MAP6D1: variants seen among roughly 807,000 people sequenced by gnomAD.
The protein encoded by MAP6D1 is MAP6 domain-containing protein 1.
Under a neutral mutation model 17.4 loss-of-function variants are expected in MAP6D1, and 13 were observed. The observed-to-expected ratio is 0.75, with a 90% confidence interval of 0.49 to 1.19. The LOEUF is 1.19. Ranked by LOEUF, MAP6D1 falls within the 50% of genes most tolerant of loss-of-function variation. MAP6D1 has a pLI of 0.00. For synonymous variants in MAP6D1, 141 were observed against 145.7 expected (o/e 0.97, Z 0.23); for missense variants, 313 against 312.6 (o/e 1.00, Z -0.01).
intron 1 of MAP6D1, among the ~76,000 whole-genome samples, chr3:183,824,857 C>A (rs1727340624): frequency 6.6e-6 from 1 of 152,240 alleles, no homozygotes; most frequent in Non-Finnish European, 1.5e-5. Flanking sequence ...CGGCTGAAGG[C>A]AGGCCATTCT....
At position 183,816,525 on chromosome 3, in the gene MAP6D1, C is replaced by CCT. The variant is rs1727109375; in HGVS notation, c.*830_*831insAG. The CCT allele has an allele frequency of 6.6e-6, 1 of 152,184 alleles. No individual in the cohort carries two copies. The highest frequency in any genetic ancestry group is 2.1e-4 in the South Asian group (1 of 4,828). 9.4% of individuals were successfully genotyped at this position (152,184 alleles called of 1,614,324 possible). On this transcript the variant is annotated 3_prime_UTR_variant, in exon 3 of 3. Transcript: ENST00000318631. ...TCACTGTACATGTGAGCAGGGTAGA[C>CCT]GGAAGGGTTGGTGTAGAGGACATTT...
intron 1 of MAP6D1, among the ~76,000 whole-genome samples, chr3:183,820,617 A>G (rs1443858517): frequency 6.6e-6 from 1 of 151,708 alleles, no homozygotes; most frequent in African/African-American, 2.4e-5. Context: ...TACAAAAATT[A>G]GGCCAGGCAC....
intron 1 of MAP6D1, among the ~76,000 whole-genome samples, chr3:183,822,623 T>C (rs1380470340): frequency 6.6e-6 from 1 of 152,218 alleles, no homozygotes; most frequent in Admixed American, 6.5e-5. Context: ...GGCTCCCTCA[T>C]AGGTCGGCAC....
In MAP6D1 at chr3:183,816,388, A is replaced by G. The variant is rs1399572321; in HGVS notation, c.*968T>C. 1 of 152,276 alleles carries G rather than the reference A, an allele frequency of 6.6e-6. No homozygotes were observed. The highest frequency in any genetic ancestry group is 1.5e-5 in the Non-Finnish European group (1 of 68,056). 9.4% of individuals were successfully genotyped at this position (152,276 alleles called of 1,614,324 possible). ...GAGACGAAGACCCCTCAAACGTGTG[A>G]AGGCACCAGGCGTGACCCATGTGGC... On this transcript the variant is annotated 3_prime_UTR_variant, in exon 3 of 3. Coordinates refer to ENST00000318631, the MANE Select transcript of MAP6D1 (RefSeq NM_024871.4).
rs766247025 is a variant in MAP6D1, at chr3:183,817,430, C to G, written c.526G>C (p.Glu176Gln). The G allele has an allele frequency of 1.9e-6, 3 of 1,562,576 alleles. No homozygotes were observed. Among genetic ancestry groups the G allele is most frequent in the Non-Finnish European group, 2.6e-6 (3 of 1,152,612 alleles). Residue 176 changes from glutamate (E) to glutamine (Q), a missense_variant, in exon 3 of 3, where the codon GAG becomes CAG. By Grantham distance (29) the Glu-to-Gln change is conservative. Coordinates refer to ENST00000318631, the MANE Select transcript of MAP6D1 (RefSeq NM_024871.4). ...SSPGAGFQVPEVRKKFTPNPS... is the reference protein window; with the variant it reads ...SSPGAGFQVPQVRKKFTPNPS... Reference sequence around the variant, plus strand: ...TTAGGAGTGAACTTCTTCCTCACCTCTGGGACCTGAAAAATGAAGTGTGGC... The same window carrying G: ...TTAGGAGTGAACTTCTTCCTCACCTGTGGGACCTGAAAAATGAAGTGTGGC...
rs1727091632 is a variant in MAP6D1, at chr3:183,815,948, T to C, written c.*1408A>G. On this transcript the variant is annotated 3_prime_UTR_variant, in exon 3 of 3. Transcript: ENST00000318631. Reference sequence around the variant, plus strand: ...TTTTGCATTTTAGTAAAATCTGAGATTGTACAGTTTTTAATCTCATTTCCA... The same window carrying C: ...TTTTGCATTTTAGTAAAATCTGAGACTGTACAGTTTTTAATCTCATTTCCA... 6.6e-6 allele frequency: 1 copy of C among 152,212 alleles called. No individual in the cohort carries two copies. Among genetic ancestry groups the C allele is most frequent in the Non-Finnish European group, 1.5e-5 (1 of 68,036 alleles). 9.4% of individuals were successfully genotyped at this position (152,212 alleles called of 1,614,324 possible).
rs1727161220 is a variant in MAP6D1, at chr3:183,818,066, T to G, written c.447A>C (p.Thr149=). The change falls in exon 2 of 3, where the codon ACA becomes ACC. Residue 149 remains threonine (T), a synonymous_variant. Coordinates refer to ENST00000318631, the MANE Select transcript of MAP6D1 (RefSeq NM_024871.4). ...AWTGVKPSRS[T]KTKPARVITT... ...TGATGACTCGGGCTGGTTTTGTCTT[T>G]GTGGATCTTGAGGGCTTCACTCCAG... is the stretch of plus-strand genomic sequence containing the variant. 4 of 1,614,104 alleles carry G rather than the reference T, an allele frequency of 2.5e-6. No individual in the cohort carries two copies. The highest frequency in any genetic ancestry group is 2.2e-5 in the East Asian group (1 of 44,878).
intron 1 of MAP6D1, among the ~76,000 whole-genome samples, chr3:183,821,505 T>C (rs1727255566): frequency 6.6e-6 from 1 of 151,530 alleles, no homozygotes; most frequent in Non-Finnish European, 1.5e-5. Flanking sequence ...CGGCAGGACA[T>C]TCACTCACCA....
chr3:183,825,385 C>T lies in MAP6D1; in HGVS notation c.163G>A (p.Ala55Thr), dbSNP rs2108565158. The change falls in exon 1 of 3, where the codon GCG (alanine) becomes ACG (threonine). Residue 55 changes from alanine to threonine, a missense_variant. Coordinates refer to ENST00000318631, the MANE Select transcript of MAP6D1 (RefSeq NM_024871.4). ...GAASRRGQPP[A>T]GARDSGRDVP... ...TCCCGGCCGGAATCCCGGGCGCCCG[C>T]GGGAGGCTGGCCCCTGCGCGAGGCG... 1 of 1,443,226 alleles carries T rather than the reference C, an allele frequency of 6.9e-7. No homozygotes were observed. 89.4% of individuals were successfully genotyped at this position (1,443,226 alleles called of 1,614,324 possible). A position where few individuals can be genotyped will look rare whatever the true frequency, so the allele number is the denominator to read the frequency against.
chr3:183,823,199 G>A (rs1211800324), intron 1 of MAP6D1, among the ~76,000 whole-genome samples: 1 of 152,076 alleles, frequency 6.6e-6, no homozygotes, highest in Non-Finnish European at 1.5e-5. Flanking sequence ...TCACTATGTT[G>A]CCCAGGCTGG....
At position 183,817,327 on chromosome 3, in the gene MAP6D1, C is replaced by T. The variant is rs371148024; in HGVS notation, c.*29G>A. On this transcript the variant is annotated 3_prime_UTR_variant, in exon 3 of 3. Coordinates refer to ENST00000318631, the MANE Select transcript of MAP6D1 (RefSeq NM_024871.4). ...AGGCCGCTCCCCAGCCCTGTCCTGT[C>T]GGCAGCCATGGTGTCACGGTGCAGG... is the stretch of plus-strand genomic sequence containing the variant. The T allele has an allele frequency of 2.3e-5, 35 of 1,551,454 alleles. No homozygotes were observed. In the Admixed American group the frequency reaches 2.3e-4, roughly 10 times the overall value.
Position 183,816,408 on chromosome 3 carries a change from T to C in MAP6D1, c.*948A>G, listed in dbSNP as rs897549132. 1 of 152,248 alleles carries C rather than the reference T, an allele frequency of 6.6e-6. No homozygotes were observed. Among genetic ancestry groups the C allele is most frequent in the Non-Finnish European group, 1.5e-5 (1 of 68,080 alleles). 9.4% of individuals were successfully genotyped at this position (152,248 alleles called of 1,614,324 possible). A position where few individuals can be genotyped will look rare whatever the true frequency, so the allele number is the denominator to read the frequency against. On this transcript the variant is annotated 3_prime_UTR_variant, in exon 3 of 3. Transcript: ENST00000318631. The stretch of plus-strand genomic sequence containing the variant: ...GTGTGAAGGCACCAGGCGTGACCCA[T>C]GTGGCCATGCTGGCTGGAATTTACG...
chr3:183,816,466 T>G lies in MAP6D1; in HGVS notation c.*890A>C, dbSNP rs1727105270. ...TTAGGAGAGAGCTTTGCAAAGAAAA[T>G]GAACTGCCTCTTCAAAAGGTGGTGA... On this transcript the variant is annotated 3_prime_UTR_variant, in exon 3 of 3. Transcript: ENST00000318631. 6.6e-6 allele frequency: 1 copy of G among 152,242 alleles called. No homozygotes were observed. The highest frequency in any genetic ancestry group is 2.1e-4 in the South Asian group (1 of 4,830). 9.4% of individuals were successfully genotyped at this position (152,242 alleles called of 1,614,324 possible).
At chr3:183,824,928 T>G (rs1727343894) in intron 1 of MAP6D1, among the ~76,000 whole-genome samples, 1 of 152,160 alleles carries the variant, frequency 6.6e-6, no homozygotes, top group East Asian at 1.9e-4. Flanking sequence ...ACGGGGGTGC[T>G]CGAGCACTGA....
In MAP6D1 at chr3:183,818,229, C is replaced by G. The variant is rs1010355560; in HGVS notation, c.402-118G>C. On this transcript the variant is annotated intron_variant, in intron 1 of 2. Coordinates refer to ENST00000318631, the MANE Select transcript of MAP6D1 (RefSeq NM_024871.4). Reference sequence around the variant, plus strand: ...TGCCAATTGCTGAAACCCTCGGCTCCAGGCAGTCCTCATCATCTTCCCAAA... The same window carrying G: ...TGCCAATTGCTGAAACCCTCGGCTCGAGGCAGTCCTCATCATCTTCCCAAA... 1.0e-5 allele frequency: 8 copies of G among 800,940 alleles called. No individual in the cohort carries two copies. The African/African-American group carries it at 1.2e-4, about 12-fold the overall frequency. 49.6% of individuals were successfully genotyped at this position (800,940 alleles called of 1,614,324 possible).
At chr3:183,820,198 C>T (rs542569677) in intron 1 of MAP6D1, 2 of 152,380 alleles carry the variant, frequency 1.3e-5, no homozygotes, top group South Asian at 4.1e-4. Flanking sequence ...TTAGGAGTGG[C>T]CTCACATCTT....
chr3:183,817,532 C>T, intron 2 of MAP6D1, 96 bp from the exon 3 acceptor site: 8 of 1,109,794 alleles, frequency 7.2e-6, no homozygotes, highest in Non-Finnish European at 1.0e-5. Flanking sequence ...CCCTCCCATC[C>T]TCTGCATCCT....
At chr3:183,824,410 G>GA (rs936812930) in intron 1 of MAP6D1, among the ~76,000 whole-genome samples, 7 of 152,196 alleles carry the variant, frequency 4.6e-5, no homozygotes, top group Non-Finnish European at 1.0e-4. Flanking sequence ...TACAACTGGT[G>GA]AAAAAAGTGT....
rs1021808028 is a variant in MAP6D1 at position 183,816,848 on chromosome 3, A to T, written c.*508T>A. 31 of 159,292 alleles carry T rather than the reference A, an allele frequency of 1.9e-4. No homozygotes were observed. The highest frequency in any genetic ancestry group is 4.8e-4 in the Admixed American group (8 of 16,746). The allele number at this position is 159,292 out of a possible 1,614,324, so 9.9% of individuals were successfully genotyped here. A position where few individuals can be genotyped will look rare whatever the true frequency, so the allele number is the denominator to read the frequency against. ...TTCCTCCTGGATACTCAGCATCACC[A>T]TGAGTCATGCAGGTGACGGCCCAAG... On this transcript the variant is annotated 3_prime_UTR_variant, in exon 3 of 3. Coordinates refer to ENST00000318631, the MANE Select transcript of MAP6D1 (RefSeq NM_024871.4).
Sources: allele counts gnomAD v4.1 joint callset (sites outside exome capture counted in the v4.1 genomes callset), GRCh38; gene constraint gnomAD v4.1.1; transcripts MANE v1.5; gene names NCBI Gene and HGNC (gene_info 2026-07-23, HGNC 2026-07-21).